Variants in NOL4 observed in about 807,000 individuals in gnomAD.
The protein encoded by NOL4 is nucleolar protein 4.
In NOL4, 17 loss-of-function variants were observed where a neutral mutation model predicts 75.9. The observed-to-expected ratio is 0.22, with a 90% CI of 0.15 to 0.34. The LOEUF (loss-of-function observed/expected upper bound fraction) is 0.34, where lower values mean the gene tolerates loss of function less well. Ranked by LOEUF, NOL4 falls within the 10% of genes least tolerant of loss-of-function variation. The pLI is 1.00. For synonymous variants in NOL4, 292 were observed against 289.9 expected (o/e 1.01, Z -0.07); for missense variants, 614 against 793.5 (o/e 0.77, Z 2.72).
intron 7 of NOL4, 115 bp from the exon 8 acceptor site, chr18:33,957,632 G>T: frequency 1.3e-6 from 1 of 774,798 alleles, no homozygotes; most frequent in Non-Finnish European, 1.9e-6. Flanking sequence ...ATGCACTGGA[G>T]AACTTTGCAA....
At chr18:34,143,724 G>C (rs1381901813) in intron 1 of NOL4, among the ~76,000 whole-genome samples, 1 of 151,946 alleles carries the variant, frequency 6.6e-6, no homozygotes, top group Non-Finnish European at 1.5e-5. Context: ...AATTAGCCAG[G>C]TGTGGTGGCA....
intron 9 of NOL4, among the ~76,000 whole-genome samples, chr18:33,907,080 T>C (rs1465752495): frequency 2.0e-5 from 3 of 151,920 alleles, no homozygotes; most frequent in Non-Finnish European, 2.9e-5. Flanking sequence ...TCCCAGCACT[T>C]TGGGAGGCCG....
At position 33,852,075 on chromosome 18, in the gene NOL4, T is replaced by G. The variant is rs1481161389; in HGVS notation, c.*767A>C. 7 of 152,436 alleles carry G rather than the reference T, an allele frequency of 4.6e-5. No homozygotes were observed. The allele number at this position is 152,436 out of a possible 1,614,324, so 9.4% of individuals were successfully genotyped here. On this transcript the variant is annotated 3_prime_UTR_variant, in exon 11 of 11. Coordinates refer to ENST00000261592, the MANE Select transcript of NOL4 (RefSeq NM_003787.5). The stretch of plus-strand genomic sequence containing the variant: ...GGGATGAAAACTGCTATGATAAAGT[T>G]GCAGTGTTGAGTGGGGTTTTTGAGA...
intron 4 of NOL4, among the ~76,000 whole-genome samples, chr18:34,097,258 T>C (rs2078829631): frequency 6.6e-6 from 1 of 152,184 alleles, no homozygotes; most frequent in African/African-American, 2.4e-5. Flanking sequence ...CTCCCACCAA[T>C]CTTCTCTTCT....
At chr18:34,144,496 C>G (rs893163617) in intron 1 of NOL4, among the ~76,000 whole-genome samples, 3 of 152,076 alleles carry the variant, frequency 2.0e-5, no homozygotes, top group Admixed American at 1.3e-4. Context: ...ACTGAAAAAA[C>G]TTTACATTAA....
At chr18:33,980,669 A>AG (rs1158474133) in intron 6 of NOL4, among the ~76,000 whole-genome samples, 1 of 152,038 alleles carries the variant, frequency 6.6e-6, no homozygotes, top group Non-Finnish European at 1.5e-5. Flanking sequence ...GGTTTACTAA[A>AG]GACTAAGACC....
intron 6 of NOL4, among the ~76,000 whole-genome samples, chr18:33,964,038 C>T (rs549244143): frequency 1.4e-4 from 22 of 152,250 alleles, no homozygotes; most frequent in African/African-American, 3.8e-4. Flanking sequence ...TATGCTTTCA[C>T]GTGCTTTGCA....
At chr18:33,921,312 A>C (rs545204143) in intron 9 of NOL4, among the ~76,000 whole-genome samples, 1 of 152,270 alleles carries the variant, frequency 6.6e-6, no homozygotes, top group African/African-American at 2.4e-5. Context: ...GGATGAATTA[A>C]GATTTCTGGG....
At chr18:33,955,570 A>C (rs1473088280) in intron 8 of NOL4, among the ~76,000 whole-genome samples, 2 of 152,074 alleles carry the variant, frequency 1.3e-5, no homozygotes, top group African/African-American at 4.8e-5. Flanking sequence ...AAGACAATGG[A>C]GAGTTTGGCT....
chr18:33,852,020 ATGTCT>A lies in NOL4; in HGVS notation c.*817_*821del, dbSNP rs1013457311. 1.1e-4 allele frequency: 16 copies of A among 152,362 alleles called. No homozygotes were observed. Among genetic ancestry groups the A allele is most frequent in the African/African-American group, 3.9e-4 (16 of 41,480 alleles). 9.4% of individuals were successfully genotyped at this position (152,362 alleles called of 1,614,324 possible). On this transcript the variant is annotated 3_prime_UTR_variant, in exon 11 of 11. Transcript: ENST00000261592. ...CAAGGTGTGATTTTTTTTCAACAACATGTCTTGTCATTATTAAAAAAAAAATTCTG... is the reference window on the plus strand; with the variant it reads ...CAAGGTGTGATTTTTTTTCAACAACATGTCATTATTAAAAAAAAAATTCTG...
chr18:33,939,046 T>C (rs1460420252), intron 9 of NOL4, among the ~76,000 whole-genome samples: 1 of 152,170 alleles, frequency 6.6e-6, no homozygotes, highest in East Asian at 1.9e-4. Context: ...CCTTTCCTCA[T>C]TGCTTGTTTT....
At chr18:34,077,307 AAAAAC>A (rs572018917) in intron 5 of NOL4, among the ~76,000 whole-genome samples, 3 of 152,080 alleles carry the variant, frequency 2.0e-5, no homozygotes, top group African/African-American at 7.2e-5. Context: ...GACTGTCTCA[AAAAAC>A]AAAACAAAAC....
At chr18:33,917,305 AC>A (rs2066779805) in intron 9 of NOL4, among the ~76,000 whole-genome samples, 1 of 151,444 alleles carries the variant, frequency 6.6e-6, no homozygotes. Flanking sequence ...GCCCAGTACT[AC>A]CCCCTCCTTT....
At chr18:33,991,716 T>A (rs866936073) in intron 6 of NOL4, among the ~76,000 whole-genome samples, 1 of 152,002 alleles carries the variant, frequency 6.6e-6, no homozygotes, top group Non-Finnish European at 1.5e-5. Context: ...TCAGGTAAAA[T>A]TAAGTAAAAT....
intron 2 of NOL4, among the ~76,000 whole-genome samples, chr18:34,111,180 A>G (rs74919525): frequency 0.032 from 4,805 of 152,276 alleles, 79 homozygotes; most frequent in Middle Eastern, 0.048. Context: ...AAATGTGTGC[A>G]TATGTGTGTG....
At chr18:33,929,449 A>C (rs1289961162) in intron 9 of NOL4, among the ~76,000 whole-genome samples, 1 of 152,178 alleles carries the variant, frequency 6.6e-6, no homozygotes, top group Non-Finnish European at 1.5e-5. Flanking sequence ...CTCTCACAGC[A>C]ATCTGATTAC....
chr18:34,073,788 A>G (rs151331234), intron 5 of NOL4, among the ~76,000 whole-genome samples: 22 of 152,154 alleles, frequency 1.4e-4, no homozygotes, highest in Non-Finnish European at 2.5e-4. Flanking sequence ...CAAATAAAAA[A>G]CTAGGCATTT....
At chr18:34,116,223 T>A in intron 2 of NOL4, among the ~76,000 whole-genome samples, 1 of 152,008 alleles carries the variant, frequency 6.6e-6, no homozygotes, top group East Asian at 1.9e-4. Context: ...GACAAACTTA[T>A]CCACCTGCAG....
intron 5 of NOL4, among the ~76,000 whole-genome samples, chr18:34,089,518 T>C (rs868550581): frequency 1.3e-5 from 2 of 152,204 alleles, no homozygotes; most frequent in Admixed American, 6.5e-5. Flanking sequence ...GAATTAAAAT[T>C]AAATTAGAAT....
Sources: gnomAD v4.1 joint callset for allele counts (sites outside exome capture counted in the v4.1 genomes callset) on GRCh38, gnomAD v4.1.1 for gene constraint, MANE v1.5 for transcripts, NCBI Gene and HGNC (gene_info 2026-07-23, HGNC 2026-07-21) for gene names.